The following ROCK1 variants were observed in gnomAD, a reference collection of about 807,000 sequenced individuals.
ROCK1 encodes Rho associated coiled-coil containing protein kinase 1.
In ROCK1, 36 loss-of-function variants were observed where a neutral mutation model predicts 196.8. The observed-to-expected ratio is 0.18, with a 90% CI of 0.14 to 0.24. The LOEUF (loss-of-function observed/expected upper bound fraction) is 0.24, where lower values mean the gene tolerates loss of function less well. Among genes scored for constraint, ROCK1 ranks in the 10% least tolerant of loss-of-function variants. ROCK1 has a pLI of 1.00. For synonymous variants in ROCK1, 443 were observed against 515.9 expected, an observed-to-expected ratio of 0.86 and a Z score of 1.91; for missense variants, 920 against 1,562.0, an observed-to-expected ratio of 0.59 and a Z score of 6.93.
At chr18:21,087,876 A>T (rs944071197) in intron 1 of ROCK1, among the ~76,000 whole-genome samples, 16 of 152,228 alleles carry the variant, frequency 1.1e-4, no homozygotes, top group Non-Finnish European at 2.9e-5. Flanking sequence ...ACAAGTGCTC[A>T]TGGAACTATT....
intron 11 of ROCK1, among the ~76,000 whole-genome samples, chr18:21,023,135 T>C (rs2143468043): frequency 6.6e-6 from 1 of 152,108 alleles, no homozygotes; most frequent in East Asian, 1.9e-4. Context: ...GATTTTTAGT[T>C]TGGGATGATG....
chr18:20,975,788 T>C (rs551112059), intron 22 of ROCK1, among the ~76,000 whole-genome samples: 121 of 152,220 alleles, frequency 7.9e-4, no homozygotes, highest in Admixed American at 2.0e-3. Context: ...TTTTTTTGTA[T>C]TTTCAGTAGA....
chr18:21,029,314 T>C (rs979424218), intron 9 of ROCK1, among the ~76,000 whole-genome samples: 1 of 151,966 alleles, frequency 6.6e-6, no homozygotes, highest in Admixed American at 6.6e-5. Flanking sequence ...CTCGAAAAAA[T>C]TGTTTAGCTT....
At chr18:20,992,974 T>C in intron 16 of ROCK1, 37 bp from the exon 17 acceptor site, 1 of 1,285,780 alleles carries the variant, frequency 7.8e-7, no homozygotes, top group Non-Finnish European at 1.1e-6. Flanking sequence ...CTGTAGTCAT[T>C]GAAAGAAGTC....
intron 29 of ROCK1, among the ~76,000 whole-genome samples, chr18:20,959,076 ATATATATATTTTATATAATATATATAT>A (rs1568367353): frequency 7.6e-5 from 3 of 39,450 alleles, no homozygotes; most frequent in Non-Finnish European, 1.1e-4. Flanking sequence ...ATATTATATA[ATATATATATTTTATATAATATATATAT>A]TATATATATA....
In ROCK1 at chr18:21,045,899, GTTTTT is replaced by G. The variant is rs34360056; in HGVS notation, c.415-437_415-433del. On this transcript the variant is annotated intron_variant, in intron 4 of 32. Transcript: ENST00000399799. Reference sequence around the variant, plus strand: ...ATAAATTTGGCTTACAGTTTCAGCTGTTTTTTTTTTTTTTTTTTTTTTTTTTTTTG... The same window carrying G: ...ATAAATTTGGCTTACAGTTTCAGCTGTTTTTTTTTTTTTTTTTTTTTTTTG... Among the ~76,000 whole-genome samples the G allele has an allele frequency of 1.7e-3, 108 of 62,500 alleles. 3 individuals carry two copies. Among genetic ancestry groups the G allele is most frequent in the African/African-American group, 7.1e-3 (102 of 14,376 alleles). 41.0% of individuals were successfully genotyped at this position (62,500 alleles called of 152,430 possible).
chr18:20,996,372 AG>A (rs2035670594), intron 16 of ROCK1, among the ~76,000 whole-genome samples: 1 of 152,214 alleles, frequency 6.6e-6, no homozygotes, highest in Admixed American at 6.5e-5. Context: ...ATACAGTCAT[AG>A]GAGACAAAAA....
chr18:20,975,652 C>T (rs563880292), intron 22 of ROCK1, among the ~76,000 whole-genome samples: 18 of 151,814 alleles, frequency 1.2e-4, no homozygotes, highest in Admixed American at 5.3e-4. Context: ...ACTCTGTTGC[C>T]CAGGATGGAG....
chr18:21,045,770 C>CA (rs1245389469), intron 4 of ROCK1, among the ~76,000 whole-genome samples: 4 of 151,864 alleles, frequency 2.6e-5, no homozygotes, highest in African/African-American at 9.7e-5. Flanking sequence ...AGTAAATATA[C>CA]AAATCTCCTA....
intron 29 of ROCK1, among the ~76,000 whole-genome samples, chr18:20,959,398 G>A (rs934086579): frequency 1.3e-5 from 2 of 149,046 alleles, no homozygotes; most frequent in African/African-American, 5.0e-5. Context: ...TTTTAGTAGA[G>A]ATGGGGTTTC....
At chr18:20,972,034 G>A (rs1444377327) in intron 22 of ROCK1, among the ~76,000 whole-genome samples, 2 of 152,116 alleles carry the variant, frequency 1.3e-5, no homozygotes, top group Non-Finnish European at 2.9e-5. Context: ...GCTGTATTAA[G>A]ATCAGACAGT....
intron 11 of ROCK1, among the ~76,000 whole-genome samples, chr18:21,022,168 T>G (rs772699042): frequency 2.0e-5 from 3 of 152,052 alleles, no homozygotes; most frequent in African/African-American, 7.2e-5. Context: ...CACAAAAAAA[T>G]GTAGGCTATA....
chr18:20,958,175 G>A (rs1198481002), intron 29 of ROCK1, among the ~76,000 whole-genome samples: 18 of 151,812 alleles, frequency 1.2e-4, no homozygotes, highest in African/African-American at 2.4e-4. Flanking sequence ...GTATTATTTC[G>A]CTTAAGCTGA....
At chr18:20,955,762 T>C (rs2035235898) in intron 29 of ROCK1, among the ~76,000 whole-genome samples, 1 of 148,462 alleles carries the variant, frequency 6.7e-6, no homozygotes, top group African/African-American at 2.5e-5. Flanking sequence ...GGAATACTAC[T>C]CAACAAGAAA....
chr18:21,106,535 T>C (rs375027144), intron 1 of ROCK1, among the ~76,000 whole-genome samples: 1 of 152,216 alleles, frequency 6.6e-6, no homozygotes, highest in Non-Finnish European at 1.5e-5. Context: ...CCATCCCTTA[T>C]TCTGTTTTCA....
rs531262643 is a variant in ROCK1, at chr18:20,969,008, G to A, written c.2914+107C>T. 4 of 886,362 alleles carry A rather than the reference G, an allele frequency of 4.5e-6. No homozygotes were observed. The African/African-American group carries it at 5.0e-5, about 11-fold the overall frequency. 54.9% of individuals were successfully genotyped at this position (886,362 alleles called of 1,614,324 possible). On this transcript the variant is annotated intron_variant, in intron 24 of 32. Transcript: ENST00000399799. ...TAAGATAATTCTTAAGGCTACAGAA[G>A]TTACTTAATATATGAAAACAGGTAT...
chr18:20,968,250 T>C (rs528518988), intron 25 of ROCK1, among the ~76,000 whole-genome samples: 49 of 152,308 alleles, frequency 3.2e-4, no homozygotes, highest in Admixed American at 3.1e-3. Context: ...CACATACTCT[T>C]ATCTTCTACA....
chr18:21,109,499 T>C (rs2036731224), intron 1 of ROCK1, among the ~76,000 whole-genome samples: 1 of 152,362 alleles, frequency 6.6e-6, no homozygotes, highest in Non-Finnish European at 1.5e-5. Context: ...CAAGATATAT[T>C]CTAATTCCTT....
chr18:21,053,536 C>T (rs1181903720), intron 2 of ROCK1, among the ~76,000 whole-genome samples: 2 of 152,122 alleles, frequency 1.3e-5, no homozygotes, highest in African/African-American at 2.4e-5. Context: ...CATTATGCTT[C>T]AAAAAGGACA....
Sources: gnomAD v4.1 joint callset for allele counts (sites outside exome capture counted in the v4.1 genomes callset) on GRCh38, gnomAD v4.1.1 for gene constraint, MANE v1.5 for transcripts, NCBI Gene and HGNC (gene_info 2026-07-23, HGNC 2026-07-21) for gene names.